Variants in NRXN1 observed in about 807,000 individuals in gnomAD.
NRXN1 encodes neurexin 1.
A neutral mutation model predicts 150.9 loss-of-function variants in NRXN1; 39 were observed. The ratio of observed to expected loss-of-function variants is 0.26; its 90% CI spans 0.20 to 0.34. The LOEUF is 0.34. NRXN1 is among the 10% of genes least tolerant of loss of function. The pLI is 1.00. For synonymous variants in NRXN1, 924 were observed against 757.0 expected (o/e 1.22, Z -3.62); for missense variants, 1,815 against 1,949.9 (o/e 0.93, Z 1.30).
intron 5 of NRXN1, among the ~76,000 whole-genome samples, chr2:50,872,987 C>G (rs1395614280): frequency 6.6e-6 from 1 of 151,518 alleles, no homozygotes; most frequent in African/African-American, 2.4e-5. Context: ...GGTGGCAAAG[C>G]AAGACCCTGT....
chr2:50,219,997 T>A (rs2063752646), intron 18 of NRXN1, among the ~76,000 whole-genome samples: 1 of 39,576 alleles, frequency 2.5e-5, no homozygotes, highest in Non-Finnish European at 4.9e-5. Context: ...ATATATAATA[T>A]ATATTATATA....
At chr2:50,819,377 C>T (rs546327498) in intron 5 of NRXN1, among the ~76,000 whole-genome samples, 1 of 152,106 alleles carries the variant, frequency 6.6e-6, no homozygotes, top group Non-Finnish European at 1.5e-5. Context: ...TTGTTATATG[C>T]TACAACATAA....
At chr2:50,485,499 GCAGAA>G (rs1287028216) in intron 15 of NRXN1, among the ~76,000 whole-genome samples, 1 of 152,202 alleles carries the variant, frequency 6.6e-6, no homozygotes, top group Non-Finnish European at 1.5e-5. Flanking sequence ...ACTGGAGGAT[GCAGAA>G]CTGGCACCCG....
At chr2:50,796,928 G>C (rs1055211533) in intron 5 of NRXN1, among the ~76,000 whole-genome samples, 1 of 152,132 alleles carries the variant, frequency 6.6e-6, no homozygotes, top group Admixed American at 6.5e-5. Context: ...TCTGGTAAGA[G>C]TCCAGTCTCT....
chr2:50,109,408 TG>T (rs1306730262), intron 18 of NRXN1, among the ~76,000 whole-genome samples: 19 of 152,126 alleles, frequency 1.2e-4, no homozygotes, highest in Admixed American at 1.2e-3. Context: ...GTTCAATTTG[TG>T]ATAATCACTG....
chr2:50,008,219 A>G (rs1685085992), intron 21 of NRXN1, among the ~76,000 whole-genome samples: 1 of 152,102 alleles, frequency 6.6e-6, no homozygotes, highest in Non-Finnish European at 1.5e-5. Context: ...TGGGAGTATG[A>G]TGACATCTCC....
chr2:50,883,030 A>AATT (rs1351017944), intron 5 of NRXN1, among the ~76,000 whole-genome samples: 1 of 151,864 alleles, frequency 6.6e-6, no homozygotes, highest in Non-Finnish European at 1.5e-5. Context: ...ATGTCCATAA[A>AATT]ATTATTTTTT....
intron 18 of NRXN1, among the ~76,000 whole-genome samples, chr2:50,231,243 G>A (rs1276713491): frequency 6.6e-6 from 1 of 151,996 alleles, no homozygotes; most frequent in Admixed American, 6.6e-5. Flanking sequence ...AAAACCCTGA[G>A]GGGAAATAAC....
rs189735373 is a variant in NRXN1, at chr2:50,581,212, T to C, written c.1321-28187A>G. ...AATTCTATTGTCTGGCACTCAAACA[T>C]ATATGCTGAATGGATTTATAATTAA... On this transcript the variant is annotated intron_variant, in intron 8 of 22. Transcript: ENST00000401669. 9.8e-5 allele frequency among the ~76,000 whole-genome samples: 15 copies of C among 152,322 alleles called. No individual in the cohort carries two copies. In the East Asian group the frequency reaches 2.5e-3, roughly 26 times the overall value.
chr2:51,018,485 G>A (rs1418515325), intron 2 of NRXN1, among the ~76,000 whole-genome samples: 1 of 152,050 alleles, frequency 6.6e-6, no homozygotes, highest in South Asian at 2.1e-4. Context: ...ACCTGAAATA[G>A]TACAGGGCAT....
chr2:50,552,435 G>C (rs1667668851), intron 9 of NRXN1, among the ~76,000 whole-genome samples, 152 bp downstream of exon 9: 2 of 152,108 alleles, frequency 1.3e-5, no homozygotes, highest in South Asian at 4.2e-4. Flanking sequence ...TTCTTTCATG[G>C]TGTGAAACAG....
In NRXN1 at chr2:51,028,424, T is replaced by C; in HGVS notation, c.-151A>G. 2.1e-6 allele frequency: 1 copy of C among 466,054 alleles called. No homozygotes were observed. The highest frequency in any genetic ancestry group is 3.7e-6 in the Non-Finnish European group (1 of 273,394). 28.9% of individuals were successfully genotyped at this position (466,054 alleles called of 1,614,324 possible). A position where few individuals can be genotyped will look rare whatever the true frequency, so the allele number is the denominator to read the frequency against. Reference sequence around the variant, plus strand: ...GATGTGCCCTCCTTTATCTAGTTCTTTTTTTCTTCTTCTTCTTCCAATAAC... The same window carrying C: ...GATGTGCCCTCCTTTATCTAGTTCTCTTTTTCTTCTTCTTCTTCCAATAAC... On this transcript the variant is annotated 5_prime_UTR_variant, in exon 2 of 23. Coordinates refer to ENST00000401669, the MANE Select transcript of NRXN1 (RefSeq NM_001330078.2).
chr2:50,550,196 G>A (rs925540227), intron 9 of NRXN1, among the ~76,000 whole-genome samples: 3 of 151,986 alleles, frequency 2.0e-5, no homozygotes, highest in African/African-American at 7.2e-5. Context: ...ACTTTCAGAA[G>A]ATAACCGTCT....
At chr2:50,729,544 C>T (rs939973158) in intron 5 of NRXN1, among the ~76,000 whole-genome samples, 25 of 152,146 alleles carry the variant, frequency 1.6e-4, no homozygotes, top group African/African-American at 5.8e-4. Context: ...GGAGCTTTTA[C>T]GCATGGTCTT....
intron 18 of NRXN1, among the ~76,000 whole-genome samples, chr2:50,116,638 A>C (rs761665390): frequency 6.6e-6 from 1 of 151,958 alleles, no homozygotes; most frequent in Non-Finnish European, 1.5e-5. Flanking sequence ...TCCAGAAAGC[A>C]AGAAAAAACT....
intron 5 of NRXN1, among the ~76,000 whole-genome samples, chr2:50,816,538 C>T (rs1024797764): frequency 2.6e-5 from 4 of 152,048 alleles, no homozygotes; most frequent in Non-Finnish European, 5.9e-5. Flanking sequence ...GCAGAGGCTG[C>T]TCATCTGGAT....
intron 5 of NRXN1, among the ~76,000 whole-genome samples, chr2:50,716,812 CCTT>C (rs1695923641): frequency 6.6e-6 from 1 of 152,148 alleles, no homozygotes; most frequent in African/African-American, 2.4e-5. Flanking sequence ...CTTTTGAACT[CCTT>C]AACTGCTTAT....
chr2:50,089,971 G>A (rs1284504954), intron 19 of NRXN1, among the ~76,000 whole-genome samples: 1 of 152,144 alleles, frequency 6.6e-6, no homozygotes, highest in African/African-American at 2.4e-5. Context: ...CATAATTGTA[G>A]TGTAAAATTG....
chr2:50,920,897 T>C (rs1685935181), intron 5 of NRXN1, among the ~76,000 whole-genome samples: 1 of 151,736 alleles, frequency 6.6e-6, no homozygotes, highest in African/African-American at 2.4e-5. Flanking sequence ...TCTTACATAT[T>C]GCCTGGCTCA....
Sources: allele counts gnomAD v4.1 joint callset (sites outside exome capture counted in the v4.1 genomes callset), GRCh38; gene constraint gnomAD v4.1.1; transcripts MANE v1.5; gene names NCBI Gene and HGNC (gene_info 2026-07-23, HGNC 2026-07-21).